Variants in ODAD1 observed in about 807,000 individuals in gnomAD.
The protein encoded by ODAD1 is outer dynein arm docking complex subunit 1.
A neutral mutation model predicts 67.2 loss-of-function variants in ODAD1; 49 were observed. That is an observed-to-expected ratio of 0.73 (90% CI 0.58 to 0.92). The LOEUF (loss-of-function observed/expected upper bound fraction) is 0.92, where lower values mean the gene tolerates loss of function less well. ODAD1 is among the 40% of genes least tolerant of loss of function. The probability of loss-of-function intolerance (pLI) is 0.00; values close to 1 mark genes in which losing one functional copy is unlikely to be tolerated. For missense variants in ODAD1, 897 were observed against 953.7 expected (o/e 0.94, Z 0.78); for synonymous variants, 345 against 393.7 (o/e 0.88, Z 1.46).
chr19:48,302,095 AATGG>A (rs1006920035), intron 12 of ODAD1, among the ~76,000 whole-genome samples: 1 of 131,560 alleles, frequency 7.6e-6, no homozygotes, highest in African/African-American at 2.9e-5. Context: ...TGGGTGGATG[AATGG>A]ATGGATGGAT....
At chr19:48,312,619 G>A (rs1968795191) in intron 5 of ODAD1, among the ~76,000 whole-genome samples, 1 of 151,912 alleles carries the variant, frequency 6.6e-6, no homozygotes, top group Non-Finnish European at 1.5e-5. Flanking sequence ...GTTTCACCAT[G>A]TTGGCCAGGC....
chr19:48,311,272 G>A (rs578224355), intron 7 of ODAD1, among the ~76,000 whole-genome samples: 8 of 152,226 alleles, frequency 5.3e-5, no homozygotes, highest in South Asian at 2.1e-4. Flanking sequence ...AAAGATCCCC[G>A]TGGAATGTAT....
chr19:48,310,558 T>C (rs1968730053), intron 7 of ODAD1, among the ~76,000 whole-genome samples: 1 of 152,196 alleles, frequency 6.6e-6, no homozygotes, highest in Non-Finnish European at 1.5e-5. Flanking sequence ...TCTTAGGAAA[T>C]GCTCTCTCAA....
intron 12 of ODAD1, among the ~76,000 whole-genome samples, chr19:48,302,460 TGATA>T (rs934269378): frequency 1.1e-4 from 16 of 147,372 alleles, no homozygotes; most frequent in South Asian, 2.2e-4. Context: ...ATGGATGCAT[TGATA>T]GATGGATGGA....
chr19:48,297,079 T>A lies in ODAD1; in HGVS notation c.2021A>T (p.Asp674Val), dbSNP rs1968306901. ...GGVESGGTAS[D>V]SSGGLGSSRD... ...GCTGGACCCGAGGCCTCCGCTCGAA[T>A]CAGACGCTGTGCCTCCGCTCTCCAC... The change falls in exon 16 of 16, where the codon GAT becomes GTT. Residue 674 changes from aspartate to valine, a missense_variant. Physicochemically the swap from Asp to Val is radical, Grantham distance 152 (BLOSUM62 -3). Coordinates refer to ENST00000674294, the MANE Select transcript of ODAD1 (RefSeq NM_001364171.2). 6.2e-7 allele frequency: 1 copy of A among 1,613,286 alleles called. No homozygotes were observed. Among genetic ancestry groups the A allele is most frequent in the African/African-American group, 1.3e-5 (1 of 75,002 alleles).
At chr19:48,321,468 G>A in intron 1 of ODAD1, 1 of 215,946 alleles carries the variant, frequency 4.6e-6, no homozygotes. Flanking sequence ...GGAGGGGCAC[G>A]GACACCAGTA....
Position 48,301,663 on chromosome 19 carries a change from G to A in ODAD1, c.1240+1031C>T, listed in dbSNP as rs751174486. Among the ~76,000 whole-genome samples, 70 of 152,178 alleles carry A rather than the reference G, an allele frequency of 4.6e-4. 1 individual carries two copies. The highest frequency in any genetic ancestry group is 1.3e-4 in the Non-Finnish European group (9 of 68,042). ...TGGATGAACAGATGGATGTGGGGCT[G>A]TTGGAGGCAGATGGACAGATAGACA... On this transcript the variant is annotated intron_variant, in intron 12 of 15. Transcript: ENST00000674294.
chr19:48,311,991 C>T lies in ODAD1; in HGVS notation c.483+3G>A. The T allele has an allele frequency of 6.4e-7, 1 of 1,550,814 alleles. No individual in the cohort carries two copies. Among genetic ancestry groups the T allele is most frequent in the Non-Finnish European group, 8.7e-7 (1 of 1,146,678 alleles). On this transcript the variant is annotated splice_donor_region_variant and intron_variant, in intron 6 of 15. Coordinates refer to ENST00000674294, the MANE Select transcript of ODAD1 (RefSeq NM_001364171.2). ...GTCGAGGGACCAGGAGTTTGACCCT[C>T]ACCCTGTCCAACTGGTTTTCTAGGA... is the stretch of plus-strand genomic sequence containing the variant.
chr19:48,317,113 A>G (rs1447763645), intron 5 of ODAD1, among the ~76,000 whole-genome samples: 1 of 152,150 alleles, frequency 6.6e-6, no homozygotes, highest in Non-Finnish European at 1.5e-5. Context: ...CTGCCCCCTC[A>G]GCCTCAAGAC....
At chr19:48,311,104 C>A (rs572239196) in intron 7 of ODAD1, among the ~76,000 whole-genome samples, 1 of 152,036 alleles carries the variant, frequency 6.6e-6, no homozygotes, top group African/African-American at 2.4e-5. Flanking sequence ...CCCAGCTACT[C>A]GGGAGGCTGA....
intron 5 of ODAD1, among the ~76,000 whole-genome samples, chr19:48,316,682 G>A (rs1376551945): frequency 6.6e-6 from 1 of 152,060 alleles, no homozygotes; most frequent in East Asian, 1.9e-4. Flanking sequence ...ACCTGTGGCC[G>A]CATCACTGGT....
chr19:48,304,867 T>G (rs970618519), intron 8 of ODAD1, among the ~76,000 whole-genome samples: 1 of 148,606 alleles, frequency 6.7e-6, no homozygotes, highest in African/African-American at 2.6e-5. Context: ...AAAGCGAGGA[T>G]TCCTGTACTT....
Position 48,298,016 on chromosome 19 carries a change from G to C in ODAD1, c.1486C>G (p.Gln496Glu). ...GCGCCTCACAGAGTGTCAGGGGGCT[G>C]AAGTGGGGCCATCTTCTTCGGAAGG... Reference protein sequence around the residue: ...EDLPKKMAPLQPPDTLEDPPG... With the variant: ...EDLPKKMAPLEPPDTLEDPPG... The change falls in exon 14 of 16, where the codon CAG (glutamine) becomes GAG (glutamate). Residue 496 changes from glutamine (Q) to glutamate (E), a missense_variant. By Grantham distance (29) the Gln-to-Glu change is conservative. Coordinates refer to ENST00000674294, the MANE Select transcript of ODAD1 (RefSeq NM_001364171.2). The C allele has an allele frequency of 6.2e-7, 1 of 1,613,184 alleles. No individual in the cohort carries two copies. The highest frequency in any genetic ancestry group is 8.5e-7 in the Non-Finnish European group (1 of 1,179,726).
Position 48,312,003 on chromosome 19 carries a change from C to T in ODAD1, c.474G>A (p.Gln158=), listed in dbSNP as rs1353613627. 7.1e-6 allele frequency: 11 copies of T among 1,551,280 alleles called. No individual in the cohort carries two copies. The highest frequency in any genetic ancestry group is 1.7e-4 in the Middle Eastern group (1 of 5,822). The change falls in exon 6 of 16, where the codon CAG becomes CAA. Residue 158 remains glutamine, a synonymous_variant. Coordinates refer to ENST00000674294, the MANE Select transcript of ODAD1 (RefSeq NM_001364171.2). ...GGAGTTTGACCCTCACCCTGTCCAA[C>T]TGGTTTTCTAGGATCCTGATCCTTC... ...IRRRIRILEN[Q]LDRVTCHFDN...
intron 8 of ODAD1, 44 bp downstream of exon 8, chr19:48,306,212 G>A: frequency 1.9e-6 from 3 of 1,550,910 alleles, no homozygotes; most frequent in African/African-American, 1.4e-5. Flanking sequence ...GGTGCGTCCT[G>A]AGTCATCTGG....
At chr19:48,315,105 C>T (rs1968863505) in intron 5 of ODAD1, among the ~76,000 whole-genome samples, 1 of 151,794 alleles carries the variant, frequency 6.6e-6, no homozygotes, top group Non-Finnish European at 1.5e-5. Context: ...GAGACAGGGT[C>T]TCACTCTGTC....
At position 48,321,095 on chromosome 19, in the gene ODAD1, G is replaced by C. The variant is rs1376953026; in HGVS notation, c.-63-284C>G. Among the ~76,000 whole-genome samples the C allele has an allele frequency of 2.0e-5, 3 of 152,152 alleles. No individual in the cohort carries two copies. In the East Asian group the frequency reaches 5.8e-4, roughly 29 times the overall value. On this transcript the variant is annotated intron_variant, in intron 1 of 15. Transcript: ENST00000674294. ...CTACTAAAAGTACAAAAAATTAGCC[G>C]GACATGGCGGCTCGTGCCTGTAATC...
At position 48,318,846 on chromosome 19, in the gene ODAD1, G is replaced by A. The variant is rs1324078172; in HGVS notation, c.71-34C>T. On this transcript the variant is annotated intron_variant, in intron 3 of 15. Transcript: ENST00000674294. ...AGGGCCAGCCAAGGGACTCAGCAGG[G>A]ATCCTGGCCACCAGCTCCTCCCAAC... 9.4e-6 allele frequency: 13 copies of A among 1,384,072 alleles called. No homozygotes were observed. In the Admixed American group the frequency reaches 2.4e-4, roughly 25 times the overall value. 85.7% of individuals were successfully genotyped at this position (1,384,072 alleles called of 1,614,324 possible). A position where few individuals can be genotyped will look rare whatever the true frequency, so the allele number is the denominator to read the frequency against.
At position 48,298,164 on chromosome 19, in the gene ODAD1, T is replaced by TGCCGTCTCCCA. The variant is rs1569001409; in HGVS notation, c.1404+2_1404+12dup. 6.2e-7 allele frequency: 1 copy of TGCCGTCTCCCA among 1,611,814 alleles called. No homozygotes were observed. Among genetic ancestry groups the TGCCGTCTCCCA allele is most frequent in the Non-Finnish European group, 8.5e-7 (1 of 1,179,716 alleles). ...AGACCGGCCTCCTGTCCCGGCTCCCTGCCGTCTCCCACCTGGGCATGTAGG... is the reference window on the plus strand; with the variant it reads ...AGACCGGCCTCCTGTCCCGGCTCCCTGCCGTCTCCCAGCCGTCTCCCACCTGGGCATGTAGG... On this transcript the variant is annotated intron_variant, in intron 13 of 15. Coordinates refer to ENST00000674294, the MANE Select transcript of ODAD1 (RefSeq NM_001364171.2).
Sources: gnomAD v4.1 joint callset for allele counts (sites outside exome capture counted in the v4.1 genomes callset) on GRCh38, gnomAD v4.1.1 for gene constraint, MANE v1.5 for transcripts, NCBI Gene and HGNC (gene_info 2026-07-23, HGNC 2026-07-21) for gene names.